VAT1L: variants seen among roughly 807,000 people sequenced by gnomAD.
VAT1L encodes the protein vesicle amine transport 1 like.
VAT1L carries 34 observed loss-of-function variants against 44.1 expected under a neutral mutation model. The ratio of observed to expected loss-of-function variants is 0.77; its 90% CI spans 0.59 to 1.03. The LOEUF (loss-of-function observed/expected upper bound fraction) is 1.03. VAT1L is among the 50% of genes least tolerant of loss of function. The probability of loss-of-function intolerance (pLI) is 0.00; values close to 1 mark genes in which losing one functional copy is unlikely to be tolerated. For missense variants in VAT1L, 615 were observed against 538.8 expected (o/e 1.14, Z -1.40); for synonymous variants, 253 against 202.2 (o/e 1.25, Z -2.13).
chr16:77,856,482 A>T (rs146985725), intron 3 of VAT1L, among the ~76,000 whole-genome samples: 1 of 152,302 alleles, frequency 6.6e-6, no homozygotes, highest in Non-Finnish European at 1.5e-5. Flanking sequence ...TCAGTACTTA[A>T]TATGTACCAG....
intron 7 of VAT1L, among the ~76,000 whole-genome samples, chr16:77,970,208 C>T (rs1429112393): frequency 2.6e-5 from 4 of 152,092 alleles, no homozygotes; most frequent in Admixed American, 6.5e-5. Context: ...TTTACTCCAG[C>T]CAAGGCAACA....
At chr16:77,809,408 C>T (rs1209252543) in intron 1 of VAT1L, among the ~76,000 whole-genome samples, 1 of 152,124 alleles carries the variant, frequency 6.6e-6, no homozygotes, top group African/African-American at 2.4e-5. Flanking sequence ...CTCCAACAGT[C>T]ACAAAGCCCT....
chr16:77,828,914 T>A (rs187728843), intron 3 of VAT1L, among the ~76,000 whole-genome samples: 5 of 152,270 alleles, frequency 3.3e-5, no homozygotes, highest in African/African-American at 1.2e-4. Flanking sequence ...TCTAGCAATT[T>A]AATATCCCAA....
intron 7 of VAT1L, among the ~76,000 whole-genome samples, chr16:77,950,142 C>T (rs570786209): frequency 6.6e-6 from 1 of 152,298 alleles, no homozygotes; most frequent in Admixed American, 6.5e-5. Context: ...GGTGCAGTGG[C>T]TCACGCCTGT....
chr16:77,926,232 AAC>A (rs1166147778), intron 7 of VAT1L, among the ~76,000 whole-genome samples: 2 of 146,498 alleles, frequency 1.4e-5, no homozygotes, highest in African/African-American at 5.1e-5. Context: ...CAGTCTGGGC[AAC>A]AGAGTGAGAC....
chr16:77,829,553 T>C (rs547703673), intron 3 of VAT1L, among the ~76,000 whole-genome samples: 2 of 152,322 alleles, frequency 1.3e-5, no homozygotes, highest in Admixed American at 6.5e-5. Flanking sequence ...TTTGAGGACA[T>C]TGTTTTCCTC....
chr16:77,827,529 T>G (rs1399036396), intron 3 of VAT1L, among the ~76,000 whole-genome samples: 1 of 152,190 alleles, frequency 6.6e-6, no homozygotes, highest in Non-Finnish European at 1.5e-5. Flanking sequence ...CTAACTAAAG[T>G]GTAAAACAGG....
intron 7 of VAT1L, among the ~76,000 whole-genome samples, chr16:77,909,845 T>C (rs2142484167): frequency 1.3e-5 from 2 of 152,186 alleles, no homozygotes; most frequent in Middle Eastern, 6.8e-3. Context: ...GCTCTGAATT[T>C]TTCCATGCCT....
rs145404392 is a variant in VAT1L at position 77,822,730 on chromosome 16, C to T, written c.364-2516C>T. On this transcript the variant is annotated intron_variant, in intron 2 of 8. Coordinates refer to ENST00000302536, the MANE Select transcript of VAT1L (RefSeq NM_020927.3). ...GAGAATGTCCTCCTTGCCCAGCTGT[C>T]GGATCATCACATTGATTAATTACTT... 3.4e-3 allele frequency among the ~76,000 whole-genome samples: 512 copies of T among 152,244 alleles called. 2 individuals are homozygous for T. Among genetic ancestry groups the T allele is most frequent in the African/African-American group, 0.012 (485 of 41,552 alleles).
chr16:77,930,922 G>A (rs2017724721), intron 7 of VAT1L, among the ~76,000 whole-genome samples: 1 of 152,178 alleles, frequency 6.6e-6, no homozygotes, highest in Non-Finnish European at 1.5e-5. Context: ...AATTCATTGA[G>A]TAGCTAGGAT....
chr16:77,893,732 G>A (rs889638010), intron 7 of VAT1L, among the ~76,000 whole-genome samples: 1 of 152,114 alleles, frequency 6.6e-6, no homozygotes, highest in African/African-American at 2.4e-5. Context: ...CTTACAGATC[G>A]CAAAAATGAG....
At chr16:77,900,231 C>T (rs1278324680) in intron 7 of VAT1L, among the ~76,000 whole-genome samples, 1 of 152,170 alleles carries the variant, frequency 6.6e-6, no homozygotes, top group East Asian at 1.9e-4. Context: ...ATCCAAGCCA[C>T]ATTCCTTATT....
At chr16:77,825,860 A>AAT (rs1555513055) in intron 3 of VAT1L, among the ~76,000 whole-genome samples, 1 of 143,974 alleles carries the variant, frequency 6.9e-6, no homozygotes, top group Non-Finnish European at 1.5e-5. Flanking sequence ...ACTAAAAATA[A>AAT]AAAAAAAAAA....
intron 7 of VAT1L, among the ~76,000 whole-genome samples, chr16:77,934,474 T>C (rs1377497093): frequency 6.6e-6 from 1 of 151,824 alleles, no homozygotes; most frequent in African/African-American, 2.4e-5. Context: ...CAAAAAAAAA[T>C]GGATTCTTCC....
chr16:77,828,116 T>G (rs980695927), intron 3 of VAT1L, among the ~76,000 whole-genome samples: 3 of 152,146 alleles, frequency 2.0e-5, no homozygotes, highest in African/African-American at 7.2e-5. Flanking sequence ...TTTGGCAAAG[T>G]GCAGATCCAC....
chr16:77,805,298 C>T (rs927448645), intron 1 of VAT1L, among the ~76,000 whole-genome samples: 1 of 152,104 alleles, frequency 6.6e-6, no homozygotes, highest in African/African-American at 2.4e-5. Flanking sequence ...CTTGAGATAA[C>T]AAAACTGGCA....
chr16:77,900,162 T>C (rs1567502511), intron 7 of VAT1L, among the ~76,000 whole-genome samples: 1 of 152,060 alleles, frequency 6.6e-6, no homozygotes, highest in Non-Finnish European at 1.5e-5. Flanking sequence ...TACACAGATA[T>C]GTGTGTGTTA....
chr16:77,855,200 C>T (rs1315228781), intron 3 of VAT1L, among the ~76,000 whole-genome samples: 1 of 152,026 alleles, frequency 6.6e-6, no homozygotes, highest in Non-Finnish European at 1.5e-5. Context: ...ATTAGCTGGG[C>T]ATGGTGCCAC....
chr16:77,966,964 C>T (rs1407771802), intron 7 of VAT1L, among the ~76,000 whole-genome samples: 1 of 142,342 alleles, frequency 7.0e-6, no homozygotes, highest in Admixed American at 7.1e-5. Flanking sequence ...AAAAAAGCAC[C>T]TCTGGTGGTC....
Sources: gnomAD v4.1 joint callset for allele counts (sites outside exome capture counted in the v4.1 genomes callset) on GRCh38, gnomAD v4.1.1 for gene constraint, MANE v1.5 for transcripts, NCBI Gene and HGNC (gene_info 2026-07-23, HGNC 2026-07-21) for gene names.